Variants in DUSP11 observed in about 807,000 individuals in gnomAD.
DUSP11 encodes RNA/RNP complex-1-interacting phosphatase.
In DUSP11, 27 loss-of-function variants were observed where a neutral mutation model predicts 41.4. The ratio of observed to expected loss-of-function variants is 0.65; its 90% confidence interval spans 0.48 to 0.90. The LOEUF (loss-of-function observed/expected upper bound fraction) is 0.90, where lower values mean the gene tolerates loss of function less well. DUSP11 is among the 40% of genes least tolerant of loss of function. The probability of loss-of-function intolerance (pLI) is 0.00; values close to 1 mark genes in which losing one functional copy is unlikely to be tolerated. For missense variants in DUSP11, 465 were observed against 461.1 expected, an observed-to-expected ratio of 1.01 and a Z score of -0.08; for synonymous variants, 188 against 159.3, an observed-to-expected ratio of 1.18 and a Z score of -1.35.
At chr2:73,774,775 TC>T in intron 3 of DUSP11, 137 bp downstream of exon 3, 1 of 576,900 alleles carries the variant, frequency 1.7e-6, no homozygotes, top group Admixed American at 3.3e-5. Context: ...ATTAGAGAAA[TC>T]ACTTGGTTCT....
At chr2:73,767,288 T>G in intron 5 of DUSP11, 81 bp from the exon 6 acceptor site, 1 of 1,002,378 alleles carries the variant, frequency 1.0e-6, no homozygotes, top group Non-Finnish European at 1.6e-6. Flanking sequence ...CAATTTCAAC[T>G]TATAGACATA....
chr2:73,772,878 T>C (rs1039692341), intron 4 of DUSP11, among the ~76,000 whole-genome samples: 10 of 152,236 alleles, frequency 6.6e-5, no homozygotes, highest in African/African-American at 2.2e-4. Flanking sequence ...TCTGTCTCTA[T>C]TCTTTCTCCA....
chr2:73,763,080 C>A (rs1380647068), intron 8 of DUSP11, among the ~76,000 whole-genome samples: 2 of 152,094 alleles, frequency 1.3e-5, no homozygotes, highest in African/African-American at 4.8e-5. Context: ...TTCACCTTCA[C>A]GAGCTGTTAT....
At chr2:73,767,771 C>T (rs561149414) in intron 5 of DUSP11, 45 of 153,316 alleles carry the variant, frequency 2.9e-4, no homozygotes, top group South Asian at 1.2e-3. Context: ...CCACCATGCC[C>T]TGGTCCAATC....
At chr2:73,773,779 C>A in intron 4 of DUSP11, 21 bp downstream of exon 4, 1 of 1,595,892 alleles carries the variant, frequency 6.3e-7, no homozygotes, top group Admixed American at 1.7e-5. Context: ...CACCACAGTT[C>A]AGGTAAGAAC....
In DUSP11 at chr2:73,780,116, G is replaced by A. The variant is rs1177637600; in HGVS notation, c.-1C>T. On this transcript the variant is annotated 5_prime_UTR_variant, in exon 1 of 9. Transcript: ENST00000272444. ...GCTCCAGCGTCTCGCTATTGCGCAT[G>A]TGCCACCGCCGGTCGTGATGGCGTA... 3 of 1,555,592 alleles carry A rather than the reference G, an allele frequency of 1.9e-6. No individual in the cohort carries two copies. The highest frequency in any genetic ancestry group is 2.6e-6 in the Non-Finnish European group (3 of 1,148,938).
At chr2:73,778,194 A>C in intron 2 of DUSP11, 107 bp downstream of exon 2, 5 of 695,044 alleles carry the variant, frequency 7.2e-6, no homozygotes, top group Non-Finnish European at 7.0e-6. Flanking sequence ...GGGTCATTAC[A>C]AAGTATTTGC....
At chr2:73,762,710 T>C in exon 9 of DUSP11, 2 of 1,613,666 alleles carry the variant, frequency 1.2e-6, no homozygotes, top group Non-Finnish European at 1.7e-6. Context: ...GGAGTAATTA[T>C]AAGGATACCA....
At chr2:73,778,027 T>C (rs937559185) in intron 2 of DUSP11, among the ~76,000 whole-genome samples, 3 of 152,044 alleles carry the variant, frequency 2.0e-5, no homozygotes, top group Non-Finnish European at 4.4e-5. Context: ...TTTAATGTAG[T>C]CATGTCCAAA....
At chr2:73,778,089 T>C (rs895799576) in intron 2 of DUSP11, among the ~76,000 whole-genome samples, 5 of 151,876 alleles carry the variant, frequency 3.3e-5, no homozygotes, top group African/African-American at 1.2e-4. Context: ...TTTTATTTTA[T>C]TTTTTATATT....
At chr2:73,766,472 T>A (rs777549183) in exon 8 of DUSP11, 16 of 1,613,932 alleles carry the variant, frequency 9.9e-6, no homozygotes, top group Admixed American at 1.7e-5. Flanking sequence ...AGGAGCTGAG[T>A]GACCCTGGAT....
chr2:73,779,663 C>T, intron 1 of DUSP11: 1 of 752,502 alleles, frequency 1.3e-6, no homozygotes, highest in South Asian at 1.9e-5. Flanking sequence ...CAGAACCTCC[C>T]TTTTACAAGA....
chr2:73,777,937 T>TA (rs1672714873), intron 2 of DUSP11, among the ~76,000 whole-genome samples: 1 of 152,182 alleles, frequency 6.6e-6, no homozygotes, highest in Admixed American at 6.5e-5. Flanking sequence ...CTCCTACCAC[T>TA]AAAGCAATAC....
intron 6 of DUSP11, 83 bp downstream of exon 6, chr2:73,767,078 T>C (rs1672479834): frequency 1.4e-6 from 2 of 1,448,688 alleles, no homozygotes; most frequent in Non-Finnish European, 1.9e-6. Flanking sequence ...AAACTTCTTT[T>C]TTTCCAAAAT....
chr2:73,769,146 C>CA lies in DUSP11; in HGVS notation c.635+118dup, dbSNP rs1028987463. 3.9e-6 allele frequency: 3 copies of CA among 762,450 alleles called. No individual in the cohort carries two copies. The African/African-American group carries it at 5.2e-5, about 13-fold the overall frequency. 47.2% of individuals were successfully genotyped at this position (762,450 alleles called of 1,614,324 possible). ...ATGGTGGTAATCTCTGGGTGGGGAG[C>CA]AAGACTGCCTTCTACTTCATGTATT... On this transcript the variant is annotated intron_variant, in intron 5 of 8. Coordinates refer to ENST00000272444, the Ensembl canonical transcript of DUSP11.
At chr2:73,778,018 T>C (rs558619375) in intron 2 of DUSP11, among the ~76,000 whole-genome samples, 24 of 152,212 alleles carry the variant, frequency 1.6e-4, no homozygotes, top group Middle Eastern at 6.8e-3. Flanking sequence ...TCTATGTCTT[T>C]TAATGTAGTC....
At chr2:73,774,682 C>T (rs1214702388) in intron 3 of DUSP11, among the ~76,000 whole-genome samples, 1 of 152,196 alleles carries the variant, frequency 6.6e-6, no homozygotes, top group Non-Finnish European at 1.5e-5. Context: ...TTTTAAGGTT[C>T]ATCCATATTG....
intron 3 of DUSP11, among the ~76,000 whole-genome samples, chr2:73,774,524 G>A (rs1420333607): frequency 1.3e-5 from 2 of 152,150 alleles, no homozygotes; most frequent in Non-Finnish European, 2.9e-5. Context: ...AAAAGACTCT[G>A]ACCACTAAAC....
rs758107996 is a variant in DUSP11, at chr2:73,778,281, C to T, written c.318+20G>A. Reference sequence around the variant, plus strand: ...GTGAACTCAGATGCCTGAAAGAATACTGAATTAACTTTTGCTTACCTTTTG... The same window carrying T: ...GTGAACTCAGATGCCTGAAAGAATATTGAATTAACTTTTGCTTACCTTTTG... On this transcript the variant is annotated intron_variant, in intron 2 of 8. Transcript: ENST00000272444. 1.3e-6 allele frequency: 2 copies of T among 1,551,720 alleles called. No homozygotes were observed. The highest frequency in any genetic ancestry group is 1.2e-5 in the South Asian group (1 of 83,202).
Sources: allele counts gnomAD v4.1 joint callset (sites outside exome capture counted in the v4.1 genomes callset), GRCh38; gene constraint gnomAD v4.1.1; transcripts MANE v1.5; gene names NCBI Gene and HGNC (gene_info 2026-07-23, HGNC 2026-07-21).